TP63: variants seen among roughly 807,000 people sequenced by gnomAD.
TP63 encodes tumor protein p63, also known as tumor protein 63.
Under a neutral mutation model 82.8 loss-of-function variants are expected in TP63, and 17 were observed. The ratio of observed to expected loss-of-function variants is 0.21; its 90% confidence interval spans 0.14 to 0.31. The LOEUF is 0.31. Among genes scored for constraint, TP63 ranks in the 10% least tolerant of loss-of-function variants. TP63 has a pLI of 1.00. For synonymous variants in TP63, 330 were observed against 321.7 expected (o/e 1.03, Z -0.28); for missense variants, 648 against 895.3 (o/e 0.72, Z 3.52).
At chr3:189,849,067 C>A (rs1018753361) in intron 4 of TP63, among the ~76,000 whole-genome samples, 1 of 152,124 alleles carries the variant, frequency 6.6e-6, no homozygotes, top group Non-Finnish European at 1.5e-5. Flanking sequence ...TTCATAAAAA[C>A]CCAAAAGGAC....
chr3:189,876,863 A>G (rs1325303752), intron 10 of TP63, among the ~76,000 whole-genome samples: 3 of 152,190 alleles, frequency 2.0e-5, no homozygotes, highest in Admixed American at 6.5e-5. Context: ...GAAAATACCT[A>G]TAATAGCCTG....
intron 1 of TP63, among the ~76,000 whole-genome samples, chr3:189,697,956 G>T (rs1560118054): frequency 6.6e-6 from 1 of 151,958 alleles, no homozygotes; most frequent in Non-Finnish European, 1.5e-5. Context: ...TTTCTATATA[G>T]ACAATCATGT....
intron 4 of TP63, among the ~76,000 whole-genome samples, chr3:189,850,888 A>G (rs1715542545): frequency 6.6e-6 from 1 of 152,202 alleles, no homozygotes; most frequent in Non-Finnish European, 1.5e-5. Flanking sequence ...ATAGATAAAT[A>G]TGAATTGTGT....
chr3:189,875,609 T>TATATATATATATATACAC lies in TP63; in HGVS notation c.1349+2629_1349+2630insCACATATATATATATATA, dbSNP rs1553859651. Among the ~76,000 whole-genome samples, 287 of 62,972 alleles carry TATATATATATATATACAC rather than the reference T, an allele frequency of 4.6e-3. 13 individuals are homozygous for TATATATATATATATACAC. The highest frequency in any genetic ancestry group is 8.6e-3 in the Non-Finnish European group (240 of 28,052). 41.3% of individuals were successfully genotyped at this position (62,972 alleles called of 152,430 possible). ...AAATACATACATATATATATATATA[T>TATATATATATATATACAC]ATATATATATATATATATATATATA... is the stretch of plus-strand genomic sequence containing the variant. On this transcript the variant is annotated intron_variant, in intron 10 of 13. Transcript: ENST00000264731.
the TP63 span, among the ~76,000 whole-genome samples, chr3:189,607,428 A>C: frequency 6.6e-6 from 1 of 152,318 alleles, no homozygotes; most frequent in South Asian, 2.1e-4. Context: ...TATTTTTAAA[A>C]ACTTAATAGA....
chr3:189,622,758 G>GTGAT, the TP63 span, among the ~76,000 whole-genome samples: 3 of 152,206 alleles, frequency 2.0e-5, no homozygotes, highest in African/African-American at 7.2e-5. Flanking sequence ...ATTTCATCGT[G>GTGAT]TGATTGTAAG....
intron 1 of TP63, among the ~76,000 whole-genome samples, chr3:189,643,577 C>G (rs1245002264): frequency 6.6e-6 from 1 of 152,142 alleles, no homozygotes; most frequent in Non-Finnish European, 1.5e-5. Flanking sequence ...TCCATGAACT[C>G]TTGACACAAT....
chr3:189,865,597 TAG>T (rs1325624916), intron 5 of TP63, among the ~76,000 whole-genome samples: 1 of 152,156 alleles, frequency 6.6e-6, no homozygotes, highest in Non-Finnish European at 1.5e-5. Flanking sequence ...TTGATAAATA[TAG>T]AGAGTATAAT....
chr3:189,882,464 CT>C (rs35439891), intron 10 of TP63, among the ~76,000 whole-genome samples: 1,735 of 142,506 alleles, frequency 0.012, 19 homozygotes, highest in African/African-American at 0.027. Context: ...CATGTTTTCC[CT>C]TTTTTTTTTT....
chr3:189,875,603 T>TATATATATATATATATATACACAC (rs1718990330), intron 10 of TP63, among the ~76,000 whole-genome samples: 1 of 35,160 alleles, frequency 2.8e-5, no homozygotes, highest in Non-Finnish European at 8.3e-5. Context: ...CATATATATA[T>TATATATATATATATATATACACAC]ATATATATAT....
chr3:189,804,545 T>C (rs1726675385), intron 3 of TP63, among the ~76,000 whole-genome samples: 1 of 152,246 alleles, frequency 6.6e-6, no homozygotes, highest in African/African-American at 2.4e-5. Flanking sequence ...TTCTTGACTA[T>C]AATGGCCAGC....
At chr3:189,613,370 G>T in the TP63 span, among the ~76,000 whole-genome samples, 1 of 151,718 alleles carries the variant, frequency 6.6e-6, no homozygotes, top group Non-Finnish European at 1.5e-5. Flanking sequence ...CTTCCATGTG[G>T]TGTTGAGCCT....
intron 1 of TP63, among the ~76,000 whole-genome samples, chr3:189,706,762 T>G (rs1718233250): frequency 6.6e-6 from 1 of 152,180 alleles, no homozygotes; most frequent in Admixed American, 6.5e-5. Context: ...ACACAGGTTA[T>G]CACCAGCTTT....
chr3:189,880,717 G>A, intron 10 of TP63: 1 of 985,426 alleles, frequency 1.0e-6, no homozygotes, highest in South Asian at 4.7e-5. Context: ...AAGAAACGAA[G>A]GTGTCAAGTG....
chr3:189,603,359 G>GT, the TP63 span, among the ~76,000 whole-genome samples: 4 of 152,006 alleles, frequency 2.6e-5, no homozygotes, highest in South Asian at 8.3e-4. Flanking sequence ...CATTCCTGTG[G>GT]TTTTTTGGGT....
At chr3:189,864,541 C>CTT (rs10714778) in intron 5 of TP63, 123 bp downstream of exon 5, 723 of 215,126 alleles carry the variant, frequency 3.4e-3, no homozygotes, top group South Asian at 5.7e-3. Flanking sequence ...ATCAGTCTGC[C>CTT]TTTTTTTTTT....
intron 1 of TP63, among the ~76,000 whole-genome samples, chr3:189,696,729 T>C (rs957345431): frequency 1.3e-5 from 2 of 152,238 alleles, no homozygotes; most frequent in Admixed American, 1.3e-4. Context: ...TCGTTTATAC[T>C]TTAGCCATTA....
At chr3:189,734,422 T>C (rs11914582) in intron 1 of TP63, among the ~76,000 whole-genome samples, 94,650 of 151,952 alleles carry the variant, frequency 0.62, 29,670 homozygotes, top group Middle Eastern at 0.68. Flanking sequence ...AGCTAGTCTT[T>C]ACAATTCCCT....
chr3:189,649,190 A>T (rs6807954), intron 1 of TP63, among the ~76,000 whole-genome samples: 53,017 of 145,790 alleles, frequency 0.36, 13,035 homozygotes, highest in East Asian at 0.48. Flanking sequence ...TATACAGAGA[A>T]AATGAAAGGG....
Sources: allele counts gnomAD v4.1 joint callset (sites outside exome capture counted in the v4.1 genomes callset), GRCh38; gene constraint gnomAD v4.1.1; transcripts MANE v1.5; gene names NCBI Gene and HGNC (gene_info 2026-07-23, HGNC 2026-07-21).